DYNC2H1: variants seen among roughly 807,000 people sequenced by gnomAD.
DYNC2H1 encodes cytoplasmic dynein 2 heavy chain 1.
In DYNC2H1, 410 loss-of-function variants were observed where a neutral mutation model predicts 570.0. The observed-to-expected ratio is 0.72, with a 90% CI of 0.66 to 0.78. DYNC2H1 has a LOEUF of 0.78. Ranked by LOEUF, DYNC2H1 falls within the 30% of genes least tolerant of loss-of-function variation. The probability of loss-of-function intolerance (pLI) is 0.00; values close to 1 mark genes in which losing one functional copy is unlikely to be tolerated. For synonymous variants in DYNC2H1, 1,688 were observed against 1,677.6 expected, an observed-to-expected ratio of 1.01 and a Z score of -0.15; for missense variants, 4,865 against 5,046.4, an observed-to-expected ratio of 0.96 and a Z score of 1.09.
Position 103,223,104 on chromosome 11 carries a change from T to C in DYNC2H1, c.9353+18T>C. 1 of 1,573,604 alleles carries C rather than the reference T, an allele frequency of 6.4e-7. No homozygotes were observed. Among genetic ancestry groups the C allele is most frequent in the East Asian group, 2.4e-5 (1 of 42,304 alleles). On this transcript the variant is annotated intron_variant, in intron 59 of 88. Transcript: ENST00000375735. ...TTAGAATCGTAAGTGAAATATAAAA[T>C]ATAAACAATTCTAACCTTTATTTTC...
At chr11:103,175,544 A>G (rs1251523487) in intron 36 of DYNC2H1, among the ~76,000 whole-genome samples, 3 of 152,206 alleles carry the variant, frequency 2.0e-5, no homozygotes, top group Admixed American at 6.5e-5. Flanking sequence ...TGCCAGGCAA[A>G]TAGTTTCTTT....
intron 85 of DYNC2H1, among the ~76,000 whole-genome samples, chr11:103,449,029 GT>G (rs1191428039): frequency 6.6e-6 from 1 of 152,114 alleles, no homozygotes; most frequent in East Asian, 1.9e-4. Flanking sequence ...TAGGAAAGAC[GT>G]TTCTGATATG....
In DYNC2H1 at chr11:103,240,504, TCA is replaced by T. The variant is rs143226597; in HGVS notation, c.9820-3186_9820-3185del. Among the ~76,000 whole-genome samples the T allele has an allele frequency of 4.1e-3, 619 of 152,282 alleles. 11 individuals are homozygous for T. Among genetic ancestry groups the T allele is most frequent in the East Asian group, 0.02 (106 of 5,178 alleles). On this transcript the variant is annotated intron_variant, in intron 63 of 88. Coordinates refer to ENST00000375735, the MANE Select transcript of DYNC2H1 (RefSeq NM_001377.3). ...CTCTTATTTTCTACCACCAGAGATA[TCA>T]CAGTCTTTTCTCAGTAATGCAAGCT...
chr11:103,385,416 G>GTT (rs150869488), intron 83 of DYNC2H1, among the ~76,000 whole-genome samples: 2 of 150,652 alleles, frequency 1.3e-5, no homozygotes, highest in Non-Finnish European at 3.0e-5. Flanking sequence ...CTGGTTCACT[G>GTT]TTTTTTTTCA....
At position 103,309,167 on chromosome 11, in the gene DYNC2H1, TA is replaced by T. The variant is rs147622842; in HGVS notation, c.11493+1337del. On this transcript the variant is annotated intron_variant, in intron 78 of 88. Coordinates refer to ENST00000375735, the MANE Select transcript of DYNC2H1 (RefSeq NM_001377.3). ...TTTATTAGTGTTTGTAACTGCATGC[TA>T]TTTTTTTTTTTTTTTTTTTTTTTTG... 3.1e-5 allele frequency among the ~76,000 whole-genome samples: 3 copies of T among 96,160 alleles called. No individual in the cohort carries two copies. The East Asian group carries it at 9.5e-4, about 30-fold the overall frequency. The allele number at this position is 96,160 out of a possible 152,430, so 63.1% of individuals were successfully genotyped here.
At position 103,177,620 on chromosome 11, in the gene DYNC2H1, C is replaced by T. The variant is rs748178305; in HGVS notation, c.5939C>T (p.Pro1980Leu). ...AGGATGGGAGTTGTTATTGTTGGTC[C>T]AAGTGGTGCTGGAAAATCAACGCTT... is the stretch of plus-strand genomic sequence containing the variant. ...CQRMGVVIVG[P>L]SGAGKSTLWR... The change falls in exon 38 of 89, where the codon CCA (proline) becomes CTA (leucine). Residue 1980 changes from proline to leucine, a missense_variant. Physicochemically the swap from Pro to Leu is moderately conservative, Grantham distance 98. Around this residue, in one of 5 missense-constraint regions of DYNC2H1, gnomAD observed 231 missense variants for 310.3 expected, o/e 0.74. Coordinates refer to ENST00000375735, the MANE Select transcript of DYNC2H1 (RefSeq NM_001377.3). This position sits in a 1 kb window ranked among gnomAD's most constrained non-coding sequence, Gnocchi z 4.4. 9.3e-6 allele frequency: 15 copies of T among 1,612,188 alleles called. No individual in the cohort carries two copies. The highest frequency in any genetic ancestry group is 1.3e-5 in the Non-Finnish European group (15 of 1,179,254).
chr11:103,253,050 TCCTTGGGTGCTTCAGTATCCCA>T (rs1324601929), intron 65 of DYNC2H1, among the ~76,000 whole-genome samples: 3 of 152,200 alleles, frequency 2.0e-5, no homozygotes, highest in Admixed American at 6.5e-5. Flanking sequence ...GAATAGATAT[TCCTTGGGTGCTTCAGTATCCCA>T]GGATCTTCTT....
At chr11:103,138,670 T>C (rs1859711767) in intron 17 of DYNC2H1, among the ~76,000 whole-genome samples, 1 of 152,350 alleles carries the variant, frequency 6.6e-6, no homozygotes, top group South Asian at 2.1e-4. Context: ...TGGTCTGAAA[T>C]TCTCTTTTTT....
intron 83 of DYNC2H1, among the ~76,000 whole-genome samples, chr11:103,379,224 T>C (rs2566943): frequency 0.67 from 102,419 of 152,076 alleles, 34,601 homozygotes; most frequent in Admixed American, 0.73. Context: ...TCTCTCCTCC[T>C]GCTTAAAGTG....
rs186421847 is a variant in DYNC2H1 at position 103,150,403 on chromosome 11, C to G, written c.2947-1733C>G. Among the ~76,000 whole-genome samples, 30 of 152,190 alleles carry G rather than the reference C, an allele frequency of 2.0e-4. 1 individual carries two copies. Among genetic ancestry groups the G allele is most frequent in the East Asian group, 1.2e-3 (6 of 5,146 alleles). ...AGTGGTAGTGGAGATAGAACTATAT[C>G]TCCACTGATTGATGATGTATAGGGG... On this transcript the variant is annotated intron_variant, in intron 20 of 88. Transcript: ENST00000375735.
In DYNC2H1 at chr11:103,158,971, T is replaced by A. The variant is rs773425224; in HGVS notation, c.4322T>A (p.Leu1441Ter). Residue 1441 changes from leucine (L) to a stop codon, truncating the protein, a stop_gained, in exon 28 of 89, where the codon TTG becomes TAG. Transcript: ENST00000375735. LOFTEE classifies it high-confidence loss of function. Reference sequence around the variant, plus strand: ...GGTGATGATGACTTATTAGAAATATTGGGCCAGTCTACCAACCCATCAGTG... The same window carrying A: ...GGTGATGATGACTTATTAGAAATATAGGGCCAGTCTACCAACCCATCAGTG... ...FIGDDDLLEI[L>*]GQSTNPSVIQ... 9 of 1,613,646 alleles carry A rather than the reference T, an allele frequency of 5.6e-6. No homozygotes were observed. The highest frequency in any genetic ancestry group is 7.6e-6 in the Non-Finnish European group (9 of 1,179,784).
intron 87 of DYNC2H1, among the ~76,000 whole-genome samples, chr11:103,460,137 T>TA (rs1370004588): frequency 6.6e-6 from 1 of 151,798 alleles, no homozygotes; most frequent in African/African-American, 2.4e-5. Context: ...TACAGGCACA[T>TA]ACCACCACAC....
chr11:103,471,099 A>G (rs1353592182), intron 88 of DYNC2H1, among the ~76,000 whole-genome samples: 1 of 152,120 alleles, frequency 6.6e-6, no homozygotes, highest in East Asian at 1.9e-4. Flanking sequence ...CTTTTTAATG[A>G]TCGCCATTCT....
intron 84 of DYNC2H1, among the ~76,000 whole-genome samples, chr11:103,408,916 A>G (rs1250380633): frequency 6.6e-6 from 1 of 152,068 alleles, no homozygotes; most frequent in Non-Finnish European, 1.5e-5. Context: ...TAATGAATTA[A>G]AGCTCCATAG....
At position 103,415,147 on chromosome 11, in the gene DYNC2H1, C is replaced by T. The variant is rs578091592; in HGVS notation, c.12366+15275C>T. Among the ~76,000 whole-genome samples the T allele has an allele frequency of 3.1e-3, 473 of 152,182 alleles. 3 individuals carry two copies. The highest frequency in any genetic ancestry group is 0.011 in the African/African-American group (448 of 41,518). ...GCTGAAACTGGATCCCTACCTTACA[C>T]CTTATACAAAAATTAATTCGAGATG... On this transcript the variant is annotated intron_variant, in intron 84 of 88. Transcript: ENST00000375735.
intron 85 of DYNC2H1, among the ~76,000 whole-genome samples, chr11:103,443,846 T>C (rs1944347227): frequency 6.6e-6 from 1 of 151,916 alleles, no homozygotes; most frequent in East Asian, 1.9e-4. Flanking sequence ...TTGGATATTT[T>C]TAAAATATTT....
chr11:103,233,533 T>C (rs1451916977), intron 60 of DYNC2H1, among the ~76,000 whole-genome samples: 1 of 151,690 alleles, frequency 6.6e-6, no homozygotes, highest in Non-Finnish European at 1.5e-5. Context: ...GTGGTAGATG[T>C]TAGAGGGGGT....
At chr11:103,225,656 C>G (rs1863773317) in intron 59 of DYNC2H1, among the ~76,000 whole-genome samples, 1 of 152,062 alleles carries the variant, frequency 6.6e-6, no homozygotes, top group Non-Finnish European at 1.5e-5. Flanking sequence ...TGACTGTGGC[C>G]TTATAGTATA....
Position 103,307,800 on chromosome 11 carries a change from T to C in DYNC2H1, c.11462T>C (p.Leu3821Ser), listed in dbSNP as rs772417220. The C allele has an allele frequency of 6.2e-6, 10 of 1,602,772 alleles. No homozygotes were observed. Among genetic ancestry groups the C allele is most frequent in the Non-Finnish European group, 8.5e-6 (10 of 1,173,616 alleles). The change falls in exon 78 of 89, where the codon TTA (leucine) becomes TCA (serine). Residue 3821 changes from leucine to serine, a missense_variant. Transcript: ENST00000375735. ...GTTCATCCCAACTTTACTCCTATTT[T>C]ACTACAGTCAAGTCTGAAGATAACA... ...AEVHPNFTPI[L>S]LQSSLKITYE...
Sources: gnomAD v4.1 joint callset for allele counts (sites outside exome capture counted in the v4.1 genomes callset) on GRCh38, gnomAD v4.1.1 for gene constraint, gnomAD v4.1.1 regional missense constraint, Gnocchi (gnomAD v3.1) non-coding constraint, MANE v1.5 for transcripts, NCBI Gene and HGNC (gene_info 2026-07-23, HGNC 2026-07-21) for gene names.